Variants in JPH1 observed in about 807,000 individuals in gnomAD.
JPH1 encodes the protein junctophilin-1.
A neutral mutation model predicts 53.6 loss-of-function variants in JPH1; 12 were observed. That is an observed-to-expected ratio of 0.22 (90% CI 0.14 to 0.36). JPH1 has a LOEUF of 0.36. JPH1 is among the 10% of genes least tolerant of loss of function. The pLI is 1.00. For missense variants in JPH1, 808 were observed against 905.5 expected (o/e 0.89, Z 1.38); for synonymous variants, 375 against 363.8 (o/e 1.03, Z -0.35).
In JPH1 at chr8:74,315,402, C is replaced by T; in HGVS notation, c.598G>A (p.Asp200Asn). The change falls in exon 2 of 6, where the codon GAC becomes AAC. Residue 200 changes from aspartate (D) to asparagine (N), a missense_variant. By Grantham distance (23) the Asp-to-Asn change is conservative. This residue lies in a region of JPH1 where 756 missense variants were observed against 811.9 expected (regional missense o/e 0.93). Coordinates refer to ENST00000342232, the MANE Select transcript of JPH1 (RefSeq NM_020647.4). The surrounding 1 kb of genome is among the most constrained non-coding windows in gnomAD (Gnocchi z 6.3). Reference sequence around the variant, plus strand: ...TTCTTCTTGCCCGCTAGCTCAGCGTCTGCGTGGAAGTTGAGCACGAAACCG... The same window carrying T: ...TTCTTCTTGCCCGCTAGCTCAGCGTTTGCGTGGAAGTTGAGCACGAAACCG... Reference protein sequence around the residue: ...RGGFVLNFHADAELAGKKKGG... With the variant: ...RGGFVLNFHANAELAGKKKGG... 6.2e-7 allele frequency: 1 copy of T among 1,612,556 alleles called. No homozygotes were observed. The highest frequency in any genetic ancestry group is 8.5e-7 in the Non-Finnish European group (1 of 1,179,960).
chr8:74,292,537 T>G (rs541503336), intron 2 of JPH1, among the ~76,000 whole-genome samples: 6 of 152,276 alleles, frequency 3.9e-5, no homozygotes, highest in Admixed American at 1.3e-4. Context: ...CAGCTGCATA[T>G]GGGGGAAAAG....
At chr8:74,296,710 C>A in intron 2 of JPH1, among the ~76,000 whole-genome samples, 1 of 152,062 alleles carries the variant, frequency 6.6e-6, no homozygotes, top group South Asian at 2.1e-4. Flanking sequence ...TTTTTTCTAC[C>A]AAGAAATCCC....
At chr8:74,256,408 G>A (rs925602378) in intron 3 of JPH1, among the ~76,000 whole-genome samples, 1 of 151,852 alleles carries the variant, frequency 6.6e-6, no homozygotes, top group Non-Finnish European at 1.5e-5. Flanking sequence ...GGGGGGAAGG[G>A]GGAGGGATAG....
In JPH1 at chr8:74,235,106, C is replaced by T. The variant is rs1806958370; in HGVS notation, c.*1945G>A. On this transcript the variant is annotated 3_prime_UTR_variant, in exon 6 of 6. Transcript: ENST00000342232. Reference sequence around the variant, plus strand: ...AAGCATTACGCATTTTAAATGAACACTTAATAAGATTAAATATTTTATTAT... The same window carrying T: ...AAGCATTACGCATTTTAAATGAACATTTAATAAGATTAAATATTTTATTAT... 6.6e-6 allele frequency: 1 copy of T among 152,252 alleles called. No homozygotes were observed. The highest frequency in any genetic ancestry group is 2.4e-5 in the African/African-American group (1 of 41,414). The allele number at this position is 152,252 out of a possible 1,614,324, so 9.4% of individuals were successfully genotyped here.
intron 2 of JPH1, among the ~76,000 whole-genome samples, chr8:74,304,733 C>G (rs1263805626): frequency 6.6e-6 from 1 of 152,046 alleles, no homozygotes; most frequent in African/African-American, 2.4e-5. Context: ...AAAATTTTTA[C>G]CATATTTAAG....
chr8:74,314,948 T>G lies in JPH1; in HGVS notation c.1052A>C (p.Lys351Thr). The change falls in exon 2 of 6, where the codon AAA becomes ACA. Residue 351 changes from lysine to threonine, a missense_variant. Lys to Thr is a moderately conservative substitution (Grantham distance 78, BLOSUM62 -1). This residue lies in a region of JPH1 where 756 missense variants were observed against 811.9 expected (regional missense o/e 0.93). Transcript: ENST00000342232. The stretch of plus-strand genomic sequence containing the variant: ...TGCTCTGTCCACCTTCTCCCTAGTT[T>G]TTGTATGTCTTATTGGTATAAGCTG... ...RKQLIPIRHT[K>T]TREKVDRAIE... 6.2e-7 allele frequency: 1 copy of G among 1,614,218 alleles called. No individual in the cohort carries two copies. Among genetic ancestry groups the G allele is most frequent in the Non-Finnish European group, 8.5e-7 (1 of 1,180,044 alleles).
At chr8:74,300,265 T>C (rs192621270) in intron 2 of JPH1, among the ~76,000 whole-genome samples, 2 of 152,242 alleles carry the variant, frequency 1.3e-5, no homozygotes, top group Non-Finnish European at 2.9e-5. Flanking sequence ...TTGACGTTTA[T>C]ATAAACTATG....
At chr8:74,258,501 A>C (rs1309480569) in intron 3 of JPH1, among the ~76,000 whole-genome samples, 1 of 152,234 alleles carries the variant, frequency 6.6e-6, no homozygotes, top group Non-Finnish European at 1.5e-5. Context: ...GCAGATGACC[A>C]AGATCGATTT....
At chr8:74,280,773 T>C (rs1806990690) in intron 2 of JPH1, among the ~76,000 whole-genome samples, 1 of 152,218 alleles carries the variant, frequency 6.6e-6, no homozygotes, top group East Asian at 1.9e-4. Context: ...ATAGCATGCA[T>C]GAAAATATAC....
intron 2 of JPH1, among the ~76,000 whole-genome samples, chr8:74,309,238 T>G (rs1006026418): frequency 1.3e-5 from 2 of 152,186 alleles, no homozygotes; most frequent in Admixed American, 1.3e-4. Context: ...ACCAATGAGC[T>G]TCACTAGCTT....
chr8:74,302,364 C>T (rs1419601083), intron 2 of JPH1, among the ~76,000 whole-genome samples: 3 of 152,140 alleles, frequency 2.0e-5, no homozygotes, highest in Non-Finnish European at 4.4e-5. Context: ...CTAATAAGAT[C>T]CTGCTACCAC....
chr8:74,301,938 A>C (rs1301083776), intron 2 of JPH1, among the ~76,000 whole-genome samples: 1 of 152,206 alleles, frequency 6.6e-6, no homozygotes, highest in Non-Finnish European at 1.5e-5. Flanking sequence ...ATGGGTTCAA[A>C]AAAAATTCCT....
chr8:74,286,223 C>T (rs967863542), intron 2 of JPH1, among the ~76,000 whole-genome samples: 3 of 152,090 alleles, frequency 2.0e-5, no homozygotes, highest in African/African-American at 7.2e-5. Context: ...TGCAACTGTC[C>T]CTTCCTTTAG....
Position 74,320,296 on chromosome 8 carries a change from G to A in JPH1, c.379+613C>T, listed in dbSNP as rs28688760. On this transcript the variant is annotated intron_variant, in intron 1 of 5. Coordinates refer to ENST00000342232, the MANE Select transcript of JPH1 (RefSeq NM_020647.4). This position sits in a 1 kb window ranked among gnomAD's most constrained non-coding sequence, Gnocchi z 4.4. ...ACTCTGAACTCCACCTGCATCAGGT[G>A]GCCTTTCTGCTCCCATAACTAGGAC... 0.21 allele frequency among the ~76,000 whole-genome samples: 31,945 copies of A among 152,122 alleles called. 3,665 individuals are homozygous for A. Among genetic ancestry groups the A allele is most frequent in the South Asian group, 0.37 (1,795 of 4,810 alleles).
intron 2 of JPH1, among the ~76,000 whole-genome samples, chr8:74,302,086 G>A (rs1807699138): frequency 6.6e-6 from 1 of 152,222 alleles, no homozygotes; most frequent in Admixed American, 6.5e-5. Context: ...GATGACAGAT[G>A]TCAAATTCAC....
intron 2 of JPH1, among the ~76,000 whole-genome samples, chr8:74,293,545 G>C (rs144029565): frequency 6.6e-6 from 1 of 152,270 alleles, no homozygotes; most frequent in African/African-American, 2.4e-5. Flanking sequence ...TTGCACAGCT[G>C]AACGAACCAC....
intron 2 of JPH1, among the ~76,000 whole-genome samples, chr8:74,282,415 A>G (rs1807039212): frequency 6.6e-6 from 1 of 152,204 alleles, no homozygotes; most frequent in Non-Finnish European, 1.5e-5. Context: ...CCTATTGGAA[A>G]GCTTTAAGTT....
At position 74,244,588 on chromosome 8, in the gene JPH1, T is replaced by C. The variant is rs1805792141; in HGVS notation, c.1846A>G (p.Ile616Val). 3 of 1,614,120 alleles carry C rather than the reference T, an allele frequency of 1.9e-6. No individual in the cohort carries two copies. Among genetic ancestry groups the C allele is most frequent in the African/African-American group, 1.3e-5 (1 of 75,056 alleles). Reference protein sequence around the residue: ...EPKAKKSELAIPKNPASNDSC... With the variant: ...EPKAKKSELAVPKNPASNDSC... ...TCGTTGCTTGCTGGATTCTTTGGTA[T>C]AGCAAGTTCAGACTTCTTAGCTTTT... is the stretch of plus-strand genomic sequence containing the variant. The change falls in exon 4 of 6, where the codon ATA (isoleucine) becomes GTA (valine). Residue 616 changes from isoleucine (I) to valine (V), a missense_variant. Around this residue, in one of 2 missense-constraint regions of JPH1, gnomAD observed 756 missense variants for 811.9 expected, o/e 0.93. Coordinates refer to ENST00000342232, the MANE Select transcript of JPH1 (RefSeq NM_020647.4).
At chr8:74,255,330 C>T (rs1041980570) in intron 3 of JPH1, among the ~76,000 whole-genome samples, 1 of 152,060 alleles carries the variant, frequency 6.6e-6, no homozygotes, top group African/African-American at 2.4e-5. Flanking sequence ...GCTGGGAAAA[C>T]TGGCTAGCCA....
Sources: gnomAD v4.1 joint callset for allele counts (sites outside exome capture counted in the v4.1 genomes callset) on GRCh38, gnomAD v4.1.1 for gene constraint, gnomAD v4.1.1 regional missense constraint, Gnocchi (gnomAD v3.1) non-coding constraint, MANE v1.5 for transcripts, NCBI Gene and HGNC (gene_info 2026-07-23, HGNC 2026-07-21) for gene names.